The following PKD2L2 variants were observed in gnomAD, a reference collection of about 807,000 sequenced individuals.
The protein encoded by PKD2L2 is polycystin-2-like protein 2.
Under a neutral mutation model 83.9 loss-of-function variants are expected in PKD2L2, and 67 were observed. The ratio of observed to expected loss-of-function variants is 0.80; its 90% CI spans 0.66 to 0.98. The LOEUF is 0.98. Among genes scored for constraint, PKD2L2 ranks in the 50% least tolerant of loss-of-function variants. The pLI is 0.00. For synonymous variants in PKD2L2, 223 were observed against 237.8 expected, an observed-to-expected ratio of 0.94 and a Z score of 0.57; for missense variants, 632 against 717.2, an observed-to-expected ratio of 0.88 and a Z score of 1.36.
At chr5:137,928,451 C>T (rs1038172201) in intron 12 of PKD2L2, among the ~76,000 whole-genome samples, 6 of 150,582 alleles carry the variant, frequency 4.0e-5, no homozygotes, top group African/African-American at 9.8e-5. Context: ...AAACATAATA[C>T]GACAAGGTTA....
At chr5:137,906,177 C>T (rs375487924) in intron 5 of PKD2L2, 29 bp from the exon 6 acceptor site, 3 of 1,290,232 alleles carry the variant, frequency 2.3e-6, no homozygotes, top group African/African-American at 3.0e-5. Context: ...TTGAAATGAA[C>T]AGTTGCTTTC....
At chr5:137,925,783 C>A in intron 11 of PKD2L2, 92 bp from the exon 12 acceptor site, 2 of 649,228 alleles carry the variant, frequency 3.1e-6, no homozygotes, top group Admixed American at 2.7e-5. Flanking sequence ...AAATATTATT[C>A]AGATCCTTAC....
At chr5:137,937,884 C>T (rs774665822) in intron 14 of PKD2L2, 1 of 151,650 alleles carries the variant, frequency 6.6e-6, no homozygotes, top group Non-Finnish European at 1.5e-5. Context: ...TAAACAAAGC[C>T]TAAGCTGAGG....
At chr5:137,912,275 G>T (rs184885628) in intron 8 of PKD2L2, among the ~76,000 whole-genome samples, 1 of 152,280 alleles carries the variant, frequency 6.6e-6, no homozygotes, top group Non-Finnish European at 1.5e-5. Context: ...CCCACCAACA[G>T]TGTATGAAGT....
chr5:137,916,431 GGA>G (rs1758349789), intron 8 of PKD2L2, among the ~76,000 whole-genome samples: 1 of 151,132 alleles, frequency 6.6e-6, no homozygotes, highest in Admixed American at 6.6e-5. Context: ...CACTTTTGAA[GGA>G]GAGTTTTGCC....
At chr5:137,916,062 G>A (rs1441927924) in intron 8 of PKD2L2, among the ~76,000 whole-genome samples, 1 of 150,374 alleles carries the variant, frequency 6.7e-6, no homozygotes, top group African/African-American at 2.5e-5. Context: ...AGAGATGGAG[G>A]TCTTACTATG....
intron 7 of PKD2L2, among the ~76,000 whole-genome samples, chr5:137,908,391 C>T (rs1406102760): frequency 1.3e-5 from 2 of 152,048 alleles, no homozygotes; most frequent in African/African-American, 4.8e-5. Context: ...AGATTGAGAC[C>T]AGCCTGGCCA....
intron 14 of PKD2L2, chr5:137,941,928 G>A: frequency 6.3e-7 from 1 of 1,594,698 alleles, no homozygotes; most frequent in South Asian, 1.1e-5. Flanking sequence ...ACTCAATTTT[G>A]TGATGCTCAA....
At chr5:137,891,985 C>A (rs1756032396) in intron 2 of PKD2L2, among the ~76,000 whole-genome samples, 1 of 152,196 alleles carries the variant, frequency 6.6e-6, no homozygotes, top group South Asian at 2.1e-4. Context: ...CGCCCCGCCA[C>A]TAGTTAATAT....
rs773524035 is a variant in PKD2L2 at position 137,923,484 on chromosome 5, G to A, written c.1514G>A (p.Arg505Lys). 2 of 1,571,520 alleles carry A rather than the reference G, an allele frequency of 1.3e-6. No individual in the cohort carries two copies. The highest frequency in any genetic ancestry group is 1.3e-5 in the African/African-American group (1 of 74,092). ...SEVKADYSIG[R>K]RLDFELGKMI... is the part of the protein sequence containing the mutation. ...GTGAAAGCTGACTATTCAATAGGCA[G>A]AAGGCTAGATTTTGAACTTGGCAAA... is the stretch of plus-strand genomic sequence containing the variant. The change falls in exon 10 of 15, where the codon AGA becomes AAA. Residue 505 changes from arginine (R) to lysine (K), a missense_variant. By Grantham distance (26) the Arg-to-Lys change is conservative (BLOSUM62 2). Coordinates refer to ENST00000508883, the MANE Select transcript of PKD2L2 (RefSeq NM_001300921.2).
chr5:137,942,280 A>C (rs1013322018), intron 14 of PKD2L2, 104 bp from the exon 15 acceptor site: 27 of 502,882 alleles, frequency 5.4e-5, no homozygotes, highest in Middle Eastern at 5.1e-4. Flanking sequence ...ATATCATCCA[A>C]AGGTAAAGAA....
intron 5 of PKD2L2, among the ~76,000 whole-genome samples, chr5:137,900,133 T>C (rs1756824905): frequency 1.3e-5 from 2 of 152,214 alleles, no homozygotes; most frequent in South Asian, 4.1e-4. Context: ...ACAAAAGATG[T>C]AGTACTATAT....
Position 137,899,543 on chromosome 5 carries a change from C to T in PKD2L2, c.552C>T (p.Asn184=). ...TEWRYSTSNT[N]SPWHWGFLGV... ...GGAGATATTCTACTTCTAATACCAA[C>T]TCCCCTTGGCACTGGGGATTTCTTG... Residue 184 remains asparagine (N), a synonymous_variant, in exon 5 of 15, where the codon AAC becomes AAT. Transcript: ENST00000508883. 1 of 1,606,706 alleles carries T rather than the reference C, an allele frequency of 6.2e-7. No homozygotes were observed.
chr5:137,900,981 T>C (rs1756902830), intron 5 of PKD2L2, among the ~76,000 whole-genome samples: 1 of 151,768 alleles, frequency 6.6e-6, no homozygotes, highest in Non-Finnish European at 1.5e-5. Context: ...CTAATAAAAA[T>C]ACAAAATTAG....
chr5:137,932,408 A>G (rs1295506823), intron 12 of PKD2L2, among the ~76,000 whole-genome samples: 1 of 152,148 alleles, frequency 6.6e-6, no homozygotes, highest in Non-Finnish European at 1.5e-5. Flanking sequence ...ACATCTAACA[A>G]TCAGAGCCCA....
At chr5:137,924,872 A>G (rs1215062809) in intron 10 of PKD2L2, among the ~76,000 whole-genome samples, 168 bp from the exon 11 acceptor site, 3 of 152,218 alleles carry the variant, frequency 2.0e-5, no homozygotes, top group Non-Finnish European at 4.4e-5. Context: ...GGCGTAAACC[A>G]TATGTAGCAA....
intron 1 of PKD2L2, 198 bp from the exon 2 acceptor site, chr5:137,890,281 CAA>C: frequency 5.0e-6 from 2 of 403,354 alleles, no homozygotes; most frequent in Non-Finnish European, 8.8e-6. Context: ...GACTCCGTCT[CAA>C]AAAAAAAATC....
chr5:137,894,124 T>C (rs1756236043), intron 3 of PKD2L2, among the ~76,000 whole-genome samples: 2 of 152,204 alleles, frequency 1.3e-5, no homozygotes, highest in African/African-American at 4.8e-5. Flanking sequence ...GCTATGGGAT[T>C]CCATAAGTTA....
chr5:137,919,332 T>C (rs1480025705), intron 8 of PKD2L2, among the ~76,000 whole-genome samples: 1 of 152,162 alleles, frequency 6.6e-6, no homozygotes, highest in Non-Finnish European at 1.5e-5. Flanking sequence ...AGAGACACTG[T>C]ATTTGGAGCC....
Sources: allele counts gnomAD v4.1 joint callset (sites outside exome capture counted in the v4.1 genomes callset), GRCh38; gene constraint gnomAD v4.1.1; transcripts MANE v1.5; gene names NCBI Gene and HGNC (gene_info 2026-07-23, HGNC 2026-07-21).